The following UTRN variants were observed in gnomAD, a reference collection of about 807,000 sequenced individuals.
UTRN encodes dystrophin-related protein 1.
In UTRN, 283 loss-of-function variants were observed where a neutral mutation model predicts 463.9. The ratio of observed to expected loss-of-function variants is 0.61; its 90% CI spans 0.55 to 0.67. UTRN has a LOEUF of 0.67. UTRN is among the 30% of genes least tolerant of loss of function. UTRN has a pLI of 0.00. For missense variants in UTRN, 3,922 were observed against 4,084.3 expected, an observed-to-expected ratio of 0.96 and a Z score of 1.08; for synonymous variants, 1,442 against 1,431.5, an observed-to-expected ratio of 1.01 and a Z score of -0.17.
intron 2 of UTRN, among the ~76,000 whole-genome samples, chr6:144,343,803 C>T (rs1187346251): frequency 2.6e-5 from 4 of 152,068 alleles, no homozygotes; most frequent in Admixed American, 2.6e-4. Flanking sequence ...ACTCCTAAGG[C>T]CAGTTGTATA....
intron 2 of UTRN, among the ~76,000 whole-genome samples, chr6:144,370,442 T>C (rs2114709840): frequency 6.6e-6 from 1 of 152,314 alleles, no homozygotes; most frequent in East Asian, 1.9e-4. Flanking sequence ...AATTGAGGTT[T>C]GGGAACCTCC....
chr6:144,482,913 G>A (rs1203174817), intron 27 of UTRN, among the ~76,000 whole-genome samples: 2 of 151,632 alleles, frequency 1.3e-5, no homozygotes, highest in East Asian at 1.9e-4. Context: ...TTTCTCCCTG[G>A]CCATTACACG....
At chr6:144,765,736 A>G (rs1332878556) in intron 58 of UTRN, among the ~76,000 whole-genome samples, 1 of 151,570 alleles carries the variant, frequency 6.6e-6, no homozygotes, top group Non-Finnish European at 1.5e-5. Context: ...GTCAAATCCT[A>G]CGGAATTATT....
intron 52 of UTRN, among the ~76,000 whole-genome samples, chr6:144,698,398 T>C (rs1201878339): frequency 6.6e-6 from 1 of 152,228 alleles, no homozygotes; most frequent in Non-Finnish European, 1.5e-5. Context: ...ATTTACAAAA[T>C]GCTTTGAACT....
rs11397588 is a variant in UTRN at position 144,819,911 on chromosome 6, C to CCTCCTGTCTCTCT, written c.9358-968_9358-967insCTGTCTCTCTCTC. Among the ~76,000 whole-genome samples, 25 of 118,632 alleles carry CCTCCTGTCTCTCT rather than the reference C, an allele frequency of 2.1e-4. 1 individual carries two copies. The South Asian group carries it at 3.6e-3, about 17-fold the overall frequency. 77.8% of individuals were successfully genotyped at this position (118,632 alleles called of 152,430 possible). On this transcript the variant is annotated intron_variant, in intron 65 of 74. Coordinates refer to ENST00000367545, the MANE Select transcript of UTRN (RefSeq NM_007124.3). ...TCCTCCTCCTCCTCCTCCTCCTCCTCCTCTCTCTCTCTCTCTCTCTCTTTC... is the reference window on the plus strand; with the variant it reads ...TCCTCCTCCTCCTCCTCCTCCTCCTCCTCCTGTCTCTCTCTCTCTCTCTCTCTCTCTCTCTTTC...
In UTRN at chr6:144,713,920, C is replaced by CAAA. The variant is rs535219098; in HGVS notation, c.7809+13693_7809+13695dup. Among the ~76,000 whole-genome samples the CAAA allele has an allele frequency of 7.9e-3, 799 of 101,140 alleles. 7 individuals are homozygous for CAAA. Among genetic ancestry groups the CAAA allele is most frequent in the African/African-American group, 0.027 (763 of 27,818 alleles). The allele number at this position is 101,140 out of a possible 152,430, so 66.4% of individuals were successfully genotyped here. On this transcript the variant is annotated intron_variant, in intron 53 of 74. Coordinates refer to ENST00000367545, the MANE Select transcript of UTRN (RefSeq NM_007124.3). The stretch of plus-strand genomic sequence containing the variant: ...GGGAAACAAGAGTGAAACTCTGTCT[C>CAAA]AAAAAAAAAAAAAAAAAAGTACAGG...
At chr6:144,633,148 T>C (rs916599579) in intron 51 of UTRN, among the ~76,000 whole-genome samples, 1 of 152,194 alleles carries the variant, frequency 6.6e-6, no homozygotes, top group Non-Finnish European at 1.5e-5. Flanking sequence ...CATATATATT[T>C]ATAATTATTT....
chr6:144,760,818 T>C (rs1792576736), intron 58 of UTRN, among the ~76,000 whole-genome samples: 1 of 152,204 alleles, frequency 6.6e-6, no homozygotes, highest in African/African-American at 2.4e-5. Flanking sequence ...TAACAAAAAA[T>C]AATATTCAGG....
intron 3 of UTRN, among the ~76,000 whole-genome samples, chr6:144,417,523 A>ATC (rs112671584): frequency 0.12 from 17,954 of 152,192 alleles, 2,462 homozygotes; most frequent in African/African-American, 0.33. Flanking sequence ...CTTAGAACAT[A>ATC]TGATACATAG....
chr6:144,511,920 C>G (rs890246502), intron 35 of UTRN, among the ~76,000 whole-genome samples: 5 of 151,872 alleles, frequency 3.3e-5, no homozygotes, highest in Non-Finnish European at 5.9e-5. Context: ...TGAGATAGGA[C>G]TTTTATCAAA....
chr6:144,433,936 G>A (rs1008625996), intron 9 of UTRN, among the ~76,000 whole-genome samples: 3 of 152,170 alleles, frequency 2.0e-5, no homozygotes, highest in Admixed American at 6.5e-5. Context: ...CTTCCCAGAC[G>A]GGGTGGCAGC....
Position 144,433,765 on chromosome 6 carries a change from C to T in UTRN, c.856-2170C>T, listed in dbSNP as rs1188047299. Among the ~76,000 whole-genome samples, 5 of 151,506 alleles carry T rather than the reference C, an allele frequency of 3.3e-5. No individual in the cohort carries two copies. In the East Asian group the frequency reaches 5.9e-4, roughly 18 times the overall value. ...AGATGGGCAGTCGGGCAGAGATGCT[C>T]CTCACTTCCTAGATGGGATGGCGGC... On this transcript the variant is annotated intron_variant, in intron 9 of 74. Coordinates refer to ENST00000367545, the MANE Select transcript of UTRN (RefSeq NM_007124.3).
At chr6:144,431,530 G>A (rs1332574348) in intron 9 of UTRN, among the ~76,000 whole-genome samples, 5 of 152,190 alleles carry the variant, frequency 3.3e-5, no homozygotes, top group African/African-American at 1.2e-4. Flanking sequence ...AACATACGCT[G>A]GTGGTCAATG....
At chr6:144,532,352 A>G (rs1797134408) in intron 42 of UTRN, among the ~76,000 whole-genome samples, 1 of 152,218 alleles carries the variant, frequency 6.6e-6, no homozygotes, top group Non-Finnish European at 1.5e-5. Flanking sequence ...ATAGTTCAGC[A>G]TGGCTGAGGA....
intron 14 of UTRN, 56 bp from the exon 15 acceptor site, chr6:144,447,155 A>G: frequency 6.6e-7 from 1 of 1,510,674 alleles, no homozygotes; most frequent in Non-Finnish European, 9.1e-7. Flanking sequence ...TGCATGATTT[A>G]ATTGAATTAC....
chr6:144,493,563 G>GA (rs1793271788), intron 33 of UTRN, 107 bp downstream of exon 33: 1 of 1,258,702 alleles, frequency 7.9e-7, no homozygotes, highest in African/African-American at 1.5e-5. Flanking sequence ...TCATTTTTTG[G>GA]AAAATGCATG....
intron 51 of UTRN, among the ~76,000 whole-genome samples, chr6:144,581,856 G>T (rs530153284): frequency 6.6e-6 from 1 of 151,914 alleles, no homozygotes; most frequent in Admixed American, 6.6e-5. Flanking sequence ...ATTCCTCCCC[G>T]CCAATTCCCT....
intron 41 of UTRN, among the ~76,000 whole-genome samples, chr6:144,526,586 G>A (rs938640335): frequency 6.6e-6 from 1 of 152,038 alleles, no homozygotes; most frequent in African/African-American, 2.4e-5. Context: ...TGTGTCGGGT[G>A]AGTCTCTTGA....
chr6:144,622,572 T>A (rs958896905), intron 51 of UTRN, among the ~76,000 whole-genome samples: 5 of 152,170 alleles, frequency 3.3e-5, no homozygotes, highest in African/African-American at 4.8e-5. Context: ...ATTTGTGGGA[T>A]CATGTGATAA....
Sources: allele counts gnomAD v4.1 joint callset (sites outside exome capture counted in the v4.1 genomes callset), GRCh38; gene constraint gnomAD v4.1.1; transcripts MANE v1.5; gene names NCBI Gene and HGNC (gene_info 2026-07-23, HGNC 2026-07-21).